Variants in EDIL3 observed in about 807,000 individuals in gnomAD.
The protein encoded by EDIL3 is EGF like and discoidin domains 3.
EDIL3 carries 37 observed loss-of-function variants against 67.4 expected under a neutral mutation model. That is an observed-to-expected ratio of 0.55 (90% CI 0.42 to 0.72). The LOEUF is 0.72. Among genes scored for constraint, EDIL3 ranks in the 30% least tolerant of loss-of-function variants. The probability of loss-of-function intolerance (pLI) is 0.00; values close to 1 mark genes in which losing one functional copy is unlikely to be tolerated. For missense variants in EDIL3, 527 were observed against 586.3 expected, an observed-to-expected ratio of 0.90 and a Z score of 1.04; for synonymous variants, 195 against 196.3, an observed-to-expected ratio of 0.99 and a Z score of 0.05.
chr5:84,175,090 C>T (rs951951131), intron 4 of EDIL3, among the ~76,000 whole-genome samples: 1 of 152,172 alleles, frequency 6.6e-6, no homozygotes, highest in Admixed American at 6.5e-5. Flanking sequence ...CCCGCTGCTA[C>T]TGGACCACAC....
intron 5 of EDIL3, among the ~76,000 whole-genome samples, chr5:84,109,066 G>A (rs1186026700): frequency 6.6e-6 from 1 of 152,018 alleles, no homozygotes; most frequent in East Asian, 1.9e-4. Context: ...AACATATCAG[G>A]AAACTCATTG....
intron 3 of EDIL3, among the ~76,000 whole-genome samples, chr5:84,205,185 G>C (rs976541993): frequency 6.6e-6 from 1 of 151,646 alleles, no homozygotes; most frequent in Non-Finnish European, 1.5e-5. Context: ...AAAAGGGTTG[G>C]GATTACAGGT....
At chr5:84,089,435 A>G (rs1747126397) in intron 6 of EDIL3, among the ~76,000 whole-genome samples, 1 of 152,204 alleles carries the variant, frequency 6.6e-6, no homozygotes, top group African/African-American at 2.4e-5. Context: ...AACAGCTGCC[A>G]GTCTAGTTTA....
intron 1 of EDIL3, among the ~76,000 whole-genome samples, chr5:84,283,970 A>T (rs1241560470): frequency 6.6e-6 from 1 of 152,238 alleles, no homozygotes; most frequent in African/African-American, 2.4e-5. Flanking sequence ...AGTTCAATCT[A>T]TCACCAAATC....
At chr5:83,965,607 T>G (rs1744677365) in intron 9 of EDIL3, among the ~76,000 whole-genome samples, 1 of 152,048 alleles carries the variant, frequency 6.6e-6, no homozygotes, top group Non-Finnish European at 1.5e-5. Flanking sequence ...GCTAAGATGA[T>G]GCATTGAGGA....
intron 3 of EDIL3, among the ~76,000 whole-genome samples, chr5:84,191,361 C>T (rs1049622884): frequency 6.6e-6 from 1 of 151,986 alleles, no homozygotes; most frequent in African/African-American, 2.4e-5. Context: ...CAGAGAGATT[C>T]CTGCAGGAGA....
chr5:84,086,952 T>C (rs2112264079), intron 6 of EDIL3, among the ~76,000 whole-genome samples: 1 of 152,176 alleles, frequency 6.6e-6, no homozygotes, highest in South Asian at 2.1e-4. Flanking sequence ...GAGAAGAGGA[T>C]GTGTGGATAC....
At chr5:84,249,187 G>A (rs1388805505) in intron 2 of EDIL3, among the ~76,000 whole-genome samples, 3 of 151,430 alleles carry the variant, frequency 2.0e-5, no homozygotes, top group Non-Finnish European at 4.4e-5. Flanking sequence ...TATTTTCTCT[G>A]TCTGGAATAG....
At chr5:84,157,323 A>T (rs552730444) in intron 4 of EDIL3, among the ~76,000 whole-genome samples, 58 of 152,172 alleles carry the variant, frequency 3.8e-4, no homozygotes, top group South Asian at 3.3e-3. Flanking sequence ...ACTTAAAATT[A>T]AAAAAATGGG....
chr5:83,964,988 C>T (rs1050507005), intron 9 of EDIL3, among the ~76,000 whole-genome samples: 47 of 152,026 alleles, frequency 3.1e-4, no homozygotes, highest in African/African-American at 1.1e-3. Context: ...GATATTAATT[C>T]CACTTTACAG....
At chr5:83,979,440 G>C (rs574263608) in intron 9 of EDIL3, among the ~76,000 whole-genome samples, 1 of 152,106 alleles carries the variant, frequency 6.6e-6, no homozygotes, top group East Asian at 1.9e-4. Context: ...TTATCACAAG[G>C]AGACATATAT....
At position 83,941,419 on chromosome 5, in the gene EDIL3, C is replaced by T. The variant is rs898395914; in HGVS notation, c.*2000G>A. The T allele has an allele frequency of 1.2e-4, 18 of 151,964 alleles. No homozygotes were observed. Among genetic ancestry groups the T allele is most frequent in the African/African-American group, 4.3e-4 (18 of 41,520 alleles). The allele number at this position is 151,964 out of a possible 1,614,324, so 9.4% of individuals were successfully genotyped here. ...TGAAGCTATAAATAATTTTGAAAAA[C>T]TATATCATCATAAAGCGTAAGTAAT... On this transcript the variant is annotated 3_prime_UTR_variant, in exon 11 of 11. Transcript: ENST00000296591.
intron 4 of EDIL3, among the ~76,000 whole-genome samples, chr5:84,154,583 T>A (rs1176026095): frequency 6.6e-6 from 1 of 151,978 alleles, no homozygotes; most frequent in Non-Finnish European, 1.5e-5. Flanking sequence ...ATTTAATTTT[T>A]TTTTTTGCTT....
At chr5:83,980,362 A>C (rs917173007) in intron 9 of EDIL3, among the ~76,000 whole-genome samples, 9 of 152,004 alleles carry the variant, frequency 5.9e-5, no homozygotes, top group Admixed American at 1.3e-4. Context: ...AAATTAAATA[A>C]AAGGTATCTG....
At chr5:84,009,192 C>A (rs1217767526) in intron 9 of EDIL3, among the ~76,000 whole-genome samples, 4 of 150,814 alleles carry the variant, frequency 2.7e-5, no homozygotes, top group Non-Finnish European at 4.4e-5. Context: ...AGTATTTTCC[C>A]AAAATAAAAA....
chr5:84,199,928 C>CA (rs1304844991), intron 3 of EDIL3, among the ~76,000 whole-genome samples: 1 of 152,018 alleles, frequency 6.6e-6, no homozygotes, highest in Non-Finnish European at 1.5e-5. Flanking sequence ...AAACTGAGAG[C>CA]AACTAAAGCA....
intron 9 of EDIL3, 101 bp from the exon 10 acceptor site, chr5:83,963,461 C>A: frequency 3.1e-6 from 4 of 1,270,446 alleles, no homozygotes; most frequent in South Asian, 1.8e-5. Flanking sequence ...ATCCTAAAAT[C>A]AAAAATCTGT....
At chr5:84,265,111 A>G (rs927476887) in intron 1 of EDIL3, among the ~76,000 whole-genome samples, 3 of 152,200 alleles carry the variant, frequency 2.0e-5, no homozygotes, top group Non-Finnish European at 4.4e-5. Flanking sequence ...TTTCAGGCAG[A>G]AAGGTATGTA....
intron 1 of EDIL3, among the ~76,000 whole-genome samples, chr5:84,371,433 G>GTATATA (rs71879324): frequency 3.1e-5 from 4 of 128,362 alleles, no homozygotes; most frequent in South Asian, 5.0e-4. Context: ...ATATGTGTGT[G>GTATATA]TATATATATA....
Sources: gnomAD v4.1 joint callset for allele counts (sites outside exome capture counted in the v4.1 genomes callset) on GRCh38, gnomAD v4.1.1 for gene constraint, MANE v1.5 for transcripts, NCBI Gene and HGNC (gene_info 2026-07-23, HGNC 2026-07-21) for gene names.